The following B4GALT6 variants were observed in gnomAD, a reference collection of about 807,000 sequenced individuals.
B4GALT6 encodes beta-1,4-galactosyltransferase 6.
Under a neutral mutation model 46.3 loss-of-function variants are expected in B4GALT6, and 14 were observed. The observed-to-expected ratio is 0.30, with a 90% CI of 0.20 to 0.47. B4GALT6 has a LOEUF of 0.47. Ranked by LOEUF, B4GALT6 falls within the 20% of genes least tolerant of loss-of-function variation. The pLI is 0.99. For synonymous variants in B4GALT6, 168 were observed against 162.0 expected, an observed-to-expected ratio of 1.04 and a Z score of -0.28; for missense variants, 386 against 480.1, an observed-to-expected ratio of 0.80 and a Z score of 1.83.
At chr18:31,709,946 T>G in the B4GALT6 span, among the ~76,000 whole-genome samples, 1 of 151,544 alleles carries the variant, frequency 6.6e-6, no homozygotes, top group African/African-American at 2.4e-5. Flanking sequence ...ATACAAAAAA[T>G]TAGCTGGGTT....
intron 6 of B4GALT6, 107 bp downstream of exon 6, chr18:31,630,852 G>T: frequency 8.3e-7 from 1 of 1,199,180 alleles, no homozygotes; most frequent in Non-Finnish European, 1.2e-6. Flanking sequence ...TGATATTCTT[G>T]GGGTTCTTGA....
At chr18:31,690,011 G>A (rs2030057137), upstream of B4GALT6, among the ~76,000 whole-genome samples, 1 of 152,080 alleles carries the variant, frequency 6.6e-6, no homozygotes, top group South Asian at 2.1e-4. Flanking sequence ...TAGCTTTCTT[G>A]TGGACACGTG....
At chr18:31,688,603 C>T (rs1271884807), upstream of B4GALT6, among the ~76,000 whole-genome samples, 1 of 152,180 alleles carries the variant, frequency 6.6e-6, no homozygotes, top group Non-Finnish European at 1.5e-5. Context: ...AGTGCCTGAA[C>T]TCTTTGATCT....
intron 1 of B4GALT6, among the ~76,000 whole-genome samples, chr18:31,673,214 CCT>C (rs1567981715): frequency 6.6e-6 from 1 of 151,702 alleles, no homozygotes; most frequent in East Asian, 1.9e-4. Flanking sequence ...GACAATCTGC[CCT>C]GAGTGGAGAT....
At chr18:31,684,635 G>A (rs772171418), upstream of B4GALT6, 4 of 1,237,954 alleles carry the variant, frequency 3.2e-6, no homozygotes, top group Non-Finnish European at 4.1e-6. Flanking sequence ...CGGGGGAGGG[G>A]AGGCGCGGAG....
chr18:31,685,882 A>C (rs2029898912), upstream of B4GALT6: 1 of 152,132 alleles, frequency 6.6e-6, no homozygotes, highest in Non-Finnish European at 1.5e-5. Context: ...TGTGGCGCGG[A>C]CCTATGTGCG....
intron 7 of B4GALT6, among the ~76,000 whole-genome samples, 174 bp downstream of exon 7, chr18:31,626,825 A>C (rs2073705064): frequency 6.6e-6 from 1 of 152,132 alleles, no homozygotes; most frequent in South Asian, 2.1e-4. Context: ...TGCTGCCAAT[A>C]ATTTCAGAAA....
chr18:31,655,172 C>T (rs1567972122), intron 3 of B4GALT6, among the ~76,000 whole-genome samples: 1 of 152,204 alleles, frequency 6.6e-6, no homozygotes, highest in Non-Finnish European at 1.5e-5. Flanking sequence ...AGTGCTCTGT[C>T]GGGCAGCTCG....
intron 1 of B4GALT6, among the ~76,000 whole-genome samples, chr18:31,681,091 G>C (rs899574013): frequency 1.5e-5 from 2 of 133,742 alleles, no homozygotes; most frequent in African/African-American, 5.7e-5. Flanking sequence ...AAGAAAATGA[G>C]CCTTAGTCAT....
chr18:31,670,384 CAAAGGTG>C (rs1245002505), intron 1 of B4GALT6, among the ~76,000 whole-genome samples: 1 of 151,514 alleles, frequency 6.6e-6, no homozygotes, highest in Non-Finnish European at 1.5e-5. Context: ...GTACCTCTAA[CAAAGGTG>C]AATTATTTAC....
At chr18:31,719,783 G>A in the B4GALT6 span, among the ~76,000 whole-genome samples, 18 of 152,102 alleles carry the variant, frequency 1.2e-4, no homozygotes, top group African/African-American at 2.7e-4. Flanking sequence ...TTCTCTTGCC[G>A]TCCTCTGCTC....
chr18:31,657,115 C>G (rs1332267844), intron 3 of B4GALT6, among the ~76,000 whole-genome samples: 2 of 152,130 alleles, frequency 1.3e-5, no homozygotes, highest in African/African-American at 4.8e-5. Context: ...CTGAGCCAAC[C>G]TACCCAGCAA....
At chr18:31,634,309 G>A (rs574751183) in intron 5 of B4GALT6, among the ~76,000 whole-genome samples, 7 of 152,342 alleles carry the variant, frequency 4.6e-5, no homozygotes, top group Admixed American at 3.9e-4. Context: ...ACAGAGTAAT[G>A]ACCTGGCAGT....
chr18:31,666,493 A>G lies in B4GALT6; in HGVS notation c.116-121T>C, dbSNP rs550088017. ...ATAAACTGACTCAATCAGCACGTCCAAACGCAAAACAGAAATATAAAATAT... is the reference window on the plus strand; with the variant it reads ...ATAAACTGACTCAATCAGCACGTCCGAACGCAAAACAGAAATATAAAATAT... On this transcript the variant is annotated intron_variant, in intron 1 of 8. Coordinates refer to ENST00000306851, the MANE Select transcript of B4GALT6 (RefSeq NM_004775.5). 29 of 413,472 alleles carry G rather than the reference A, an allele frequency of 7.0e-5. No individual in the cohort carries two copies. The East Asian group carries it at 9.6e-4, about 14-fold the overall frequency. The allele number at this position is 413,472 out of a possible 1,614,324, so 25.6% of individuals were successfully genotyped here.
chr18:31,632,145 G>A (rs1349749287), intron 5 of B4GALT6, among the ~76,000 whole-genome samples: 1 of 152,078 alleles, frequency 6.6e-6, no homozygotes, highest in Non-Finnish European at 1.5e-5. Context: ...AAAGGATTAC[G>A]ATAGAAGTAA....
chr18:31,640,152 A>AT (rs1392680342), intron 4 of B4GALT6, among the ~76,000 whole-genome samples: 1 of 152,162 alleles, frequency 6.6e-6, no homozygotes, highest in African/African-American at 2.4e-5. Context: ...TATAATCTGG[A>AT]TTTTTTAAAT....
At chr18:31,695,695 G>A in the B4GALT6 span, among the ~76,000 whole-genome samples, 1 of 152,184 alleles carries the variant, frequency 6.6e-6, no homozygotes, top group African/African-American at 2.4e-5. Flanking sequence ...CTAAGGCAAA[G>A]GTAAACACAC....
intron 2 of B4GALT6, among the ~76,000 whole-genome samples, chr18:31,662,004 G>GTGCTCGGCTCTCTAGACATTTC (rs2074223231): frequency 6.6e-6 from 1 of 152,190 alleles, no homozygotes; most frequent in Non-Finnish European, 1.5e-5. Flanking sequence ...ACTCACAGAA[G>GTGCTCGGCTCTCTAGACATTTC]TGCTCGGCTC....
At position 31,640,555 on chromosome 18, in the gene B4GALT6, C is replaced by A. The variant is rs945418498; in HGVS notation, c.472-1795G>T. On this transcript the variant is annotated intron_variant, in intron 4 of 8. Transcript: ENST00000306851. ...ATGGCTGCTATGAGGCTGATGTTTT[C>A]ATGATAATAATTAATCACAGCATAT... Among the ~76,000 whole-genome samples the A allele has an allele frequency of 2.6e-5, 4 of 152,162 alleles. No individual in the cohort carries two copies. In the South Asian group the frequency reaches 6.2e-4, roughly 24 times the overall value.
Sources: gnomAD v4.1 joint callset for allele counts (sites outside exome capture counted in the v4.1 genomes callset) on GRCh38, gnomAD v4.1.1 for gene constraint, MANE v1.5 for transcripts, NCBI Gene and HGNC (gene_info 2026-07-23, HGNC 2026-07-21) for gene names.